ADAMTS2: variants seen among roughly 807,000 people sequenced by gnomAD.
ADAMTS2 encodes ADAM metallopeptidase with thrombospondin type 1 motif 2, also known as A disintegrin and metalloproteinase with thrombospondin motifs 2.
ADAMTS2 carries 50 observed loss-of-function variants against 123.0 expected under a neutral mutation model. The ratio of observed to expected loss-of-function variants is 0.41; its 90% CI spans 0.32 to 0.51. ADAMTS2 has a LOEUF of 0.51. Among genes scored for constraint, ADAMTS2 ranks in the 20% least tolerant of loss-of-function variants. The pLI, the probability that ADAMTS2 is intolerant of heterozygous loss-of-function variation, is 0.35. For missense variants in ADAMTS2, 1,494 were observed against 1,705.2 expected (o/e 0.88, Z 2.18); for synonymous variants, 678 against 695.4 (o/e 0.98, Z 0.39).
At position 179,314,427 on chromosome 5, in the gene ADAMTS2, T is replaced by C. The variant is rs746581007; in HGVS notation, c.534+29340A>G. Reference sequence around the variant, plus strand: ...CCAGGCTCCTCCCCACCCCGTGGCGTGGCGTGGCGTGGCCGGAATACTCAG... The same window carrying C: ...CCAGGCTCCTCCCCACCCCGTGGCGCGGCGTGGCGTGGCCGGAATACTCAG... On this transcript the variant is annotated intron_variant, in intron 2 of 21. Coordinates refer to ENST00000251582, the MANE Select transcript of ADAMTS2 (RefSeq NM_014244.5). This position sits in a 1 kb window ranked among gnomAD's most constrained non-coding sequence, Gnocchi z 4.5. Among the ~76,000 whole-genome samples the C allele has an allele frequency of 6.6e-6, 1 of 151,816 alleles. No homozygotes were observed. Among genetic ancestry groups the C allele is most frequent in the Non-Finnish European group, 1.5e-5 (1 of 67,978 alleles).
At position 179,122,634 on chromosome 5, in the gene ADAMTS2, GGT is replaced by G. The variant is rs1419344049; in HGVS notation, c.3088+8_3088+9del. On this transcript the variant is annotated splice_region_variant and intron_variant, in intron 20 of 21. Coordinates refer to ENST00000251582, the MANE Select transcript of ADAMTS2 (RefSeq NM_014244.5). ...GCTGGGAGCAGGGGCAGGGGCTGCA[GGT>G]GGCTTACGGGGACAGGGGCCAAGCC... 6.5e-7 allele frequency: 1 copy of G among 1,549,786 alleles called. No homozygotes were observed.
At position 179,312,305 on chromosome 5, in the gene ADAMTS2, T is replaced by TCC. The variant is rs1756855518; in HGVS notation, c.534+31460_534+31461dup. 1.3e-5 allele frequency among the ~76,000 whole-genome samples: 2 copies of TCC among 152,168 alleles called. No homozygotes were observed. The highest frequency in any genetic ancestry group is 4.8e-5 in the African/African-American group (2 of 41,512). ...CCCAAATTCCGATGTTGAAAGCTACTCCCCCAAGGTGATATATTAGGAAGT... is the reference window on the plus strand; with the variant it reads ...CCCAAATTCCGATGTTGAAAGCTACTCCCCCCCAAGGTGATATATTAGGAAGT... On this transcript the variant is annotated intron_variant, in intron 2 of 21. Coordinates refer to ENST00000251582, the MANE Select transcript of ADAMTS2 (RefSeq NM_014244.5). The surrounding 1 kb of genome is among the most constrained non-coding windows in gnomAD (Gnocchi z 4.2).
rs1479536153 is a variant in ADAMTS2 at position 179,162,609 on chromosome 5, C to T, written c.976-3730G>A. On this transcript the variant is annotated intron_variant, in intron 5 of 21. Transcript: ENST00000251582. This position sits in a 1 kb window ranked among gnomAD's most constrained non-coding sequence, Gnocchi z 5.1. ...TGTCAGCTTTACCCCACACGGTCGC[C>T]CCTGCTCGAGGGACCCAAGAGACAA... 6.6e-6 allele frequency among the ~76,000 whole-genome samples: 1 copy of T among 152,188 alleles called. No homozygotes were observed. Among genetic ancestry groups the T allele is most frequent in the African/African-American group, 2.4e-5 (1 of 41,442 alleles).
intron 17 of ADAMTS2, among the ~76,000 whole-genome samples, chr5:179,126,845 C>T (rs906397845): frequency 2.0e-5 from 3 of 151,982 alleles, no homozygotes; most frequent in Admixed American, 1.3e-4. Context: ...GGTGGCAGGG[C>T]GGTGGAGGGG....
Position 179,343,898 on chromosome 5 carries a change from C to A in ADAMTS2, c.403G>T (p.Ala135Ser). Residue 135 changes from alanine to serine, a missense_variant, in exon 2 of 22, where the codon GCC becomes TCC. By Grantham distance (99) the Ala-to-Ser change is moderately conservative. Around this residue, in one of 6 missense-constraint regions of ADAMTS2, gnomAD observed 237 missense variants for 233.7 expected, o/e 1.01. Transcript: ENST00000251582. ...TTCTCGCCCTGCCACTCCATAGTGGCCCCGGGCGCCACGAGGCGGGCGTTG... is the reference window on the plus strand; with the variant it reads ...TTCTCGCCCTGCCACTCCATAGTGGACCCGGGCGCCACGAGGCGGGCGTTG... ...RPNARLVAPG[A>S]TMEWQGEKGT... 1 of 1,603,818 alleles carries A rather than the reference C, an allele frequency of 6.2e-7. No homozygotes were observed. The highest frequency in any genetic ancestry group is 8.5e-7 in the Non-Finnish European group (1 of 1,176,640).
chr5:179,260,637 G>T lies in ADAMTS2; in HGVS notation c.688+12274C>A, dbSNP rs1766193759. Among the ~76,000 whole-genome samples, 2 of 152,278 alleles carry T rather than the reference G, an allele frequency of 1.3e-5. No homozygotes were observed. The highest frequency in any genetic ancestry group is 3.9e-4 in the East Asian group (2 of 5,172). ...TCCCTCCTGATGCAGGAGTCAAAAG[G>T]CCTGGCTCCCACTGTTTCTACAGCT... On this transcript the variant is annotated intron_variant, in intron 3 of 21. Transcript: ENST00000251582. The surrounding 1 kb of genome is among the most constrained non-coding windows in gnomAD (Gnocchi z 4.2).
intron 4 of ADAMTS2, among the ~76,000 whole-genome samples, chr5:179,182,260 G>A (rs114853558): frequency 8.5e-5 from 13 of 152,312 alleles, no homozygotes; most frequent in African/African-American, 2.2e-4. Flanking sequence ...AGGGATACCC[G>A]CTGAAAGGCT....
rs534558211 is a variant in ADAMTS2, at chr5:179,299,162, A to C, written c.535-26098T>G. Among the ~76,000 whole-genome samples the C allele has an allele frequency of 2.6e-5, 4 of 152,080 alleles. No individual in the cohort carries two copies. In the South Asian group the frequency reaches 8.3e-4, roughly 32 times the overall value. ...TGACAAGATCTCACTTCTGAGTGTGACATATATGTAACAAGATGGAAAAAC... is the reference window on the plus strand; with the variant it reads ...TGACAAGATCTCACTTCTGAGTGTGCCATATATGTAACAAGATGGAAAAAC... On this transcript the variant is annotated intron_variant, in intron 2 of 21. Coordinates refer to ENST00000251582, the MANE Select transcript of ADAMTS2 (RefSeq NM_014244.5).
In ADAMTS2 at chr5:179,322,447, G is replaced by A. The variant is rs185160292; in HGVS notation, c.534+21320C>T. ...AGTTCTCCCTCCCCCACCCAGGTCC[G>A]CACTACAGGCTCTGATCCACGCCCT... On this transcript the variant is annotated intron_variant, in intron 2 of 21. Transcript: ENST00000251582. Among the ~76,000 whole-genome samples the A allele has an allele frequency of 3.3e-3, 496 of 152,224 alleles. 1 individual carries two copies. The highest frequency in any genetic ancestry group is 6.0e-3 in the Admixed American group (92 of 15,284).
chr5:179,301,917 C>T (rs575257703), intron 2 of ADAMTS2, among the ~76,000 whole-genome samples: 9 of 152,290 alleles, frequency 5.9e-5, no homozygotes, highest in East Asian at 1.9e-4. Context: ...GGGAGAGGAG[C>T]GAGGGCAGGC....
chr5:179,323,718 G>A lies in ADAMTS2; in HGVS notation c.534+20049C>T, dbSNP rs936930269. Reference sequence around the variant, plus strand: ...ACAGGCTTCGGCAACTGTCAGCACCGCTGCTGCAGACCAGACCAAATGGTG... The same window carrying A: ...ACAGGCTTCGGCAACTGTCAGCACCACTGCTGCAGACCAGACCAAATGGTG... On this transcript the variant is annotated intron_variant, in intron 2 of 21. Coordinates refer to ENST00000251582, the MANE Select transcript of ADAMTS2 (RefSeq NM_014244.5). Among the ~76,000 whole-genome samples, 4 of 152,332 alleles carry A rather than the reference G, an allele frequency of 2.6e-5. No homozygotes were observed. In the South Asian group the frequency reaches 8.3e-4, roughly 32 times the overall value.
chr5:179,268,644 G>C (rs938091955), intron 3 of ADAMTS2, among the ~76,000 whole-genome samples: 6 of 152,220 alleles, frequency 3.9e-5, no homozygotes, highest in Admixed American at 3.3e-4. Flanking sequence ...GCGGGCGGTG[G>C]GGGAGGACTG....
chr5:179,334,675 G>C (rs996397783), intron 2 of ADAMTS2, among the ~76,000 whole-genome samples: 3 of 152,174 alleles, frequency 2.0e-5, no homozygotes, highest in South Asian at 2.1e-4. Flanking sequence ...TGTTTACAGA[G>C]TGCAACTGTA....
At chr5:179,315,064 A>AC (rs1398340061) in intron 2 of ADAMTS2, among the ~76,000 whole-genome samples, 1 of 10,340 alleles carries the variant, frequency 9.7e-5, no homozygotes, top group Non-Finnish European at 2.1e-4. Context: ...CCAAGGCCCC[A>AC]CCCCGGCCTC....
intron 5 of ADAMTS2, among the ~76,000 whole-genome samples, chr5:179,160,444 C>CAAA: frequency 1.3e-5 from 2 of 152,286 alleles, no homozygotes; most frequent in East Asian, 1.9e-4. Context: ...GAGTGAGACT[C>CAAA]CGTCTCAAAA....
chr5:179,125,300 C>G (rs959404896), intron 18 of ADAMTS2, 120 bp from the exon 19 acceptor site: 2 of 848,374 alleles, frequency 2.4e-6, no homozygotes, highest in African/African-American at 3.3e-5. Flanking sequence ...GCAGCCTGCA[C>G]CCCTCCCCGG....
At chr5:179,191,888 G>C (rs1439616459) in intron 4 of ADAMTS2, among the ~76,000 whole-genome samples, 3 of 152,068 alleles carry the variant, frequency 2.0e-5, no homozygotes, top group Non-Finnish European at 4.4e-5. Context: ...CCAGAAGGGG[G>C]TGTGTGGGAT....
chr5:179,306,589 C>T (rs1756679244), intron 2 of ADAMTS2, among the ~76,000 whole-genome samples: 1 of 152,148 alleles, frequency 6.6e-6, no homozygotes, highest in Non-Finnish European at 1.5e-5. Context: ...CTAGACAGCA[C>T]CTCTGTACAC....
chr5:179,156,173 T>A (rs375242906), intron 6 of ADAMTS2, among the ~76,000 whole-genome samples: 32 of 152,212 alleles, frequency 2.1e-4, no homozygotes, highest in East Asian at 1.4e-3. Flanking sequence ...TGAAAGCGCA[T>A]CTTTATGTTT....
Sources: gnomAD v4.1 joint callset for allele counts (sites outside exome capture counted in the v4.1 genomes callset) on GRCh38, gnomAD v4.1.1 for gene constraint, gnomAD v4.1.1 regional missense constraint, Gnocchi (gnomAD v3.1) non-coding constraint, MANE v1.5 for transcripts, NCBI Gene and HGNC (gene_info 2026-07-23, HGNC 2026-07-21) for gene names.